DNER: variants seen among roughly 807,000 people sequenced by gnomAD.
DNER encodes delta/notch like EGF repeat containing, also known as delta and Notch-like epidermal growth factor-related receptor.
In DNER, 33 loss-of-function variants were observed where a neutral mutation model predicts 78.2. That is an observed-to-expected ratio of 0.42 (90% CI 0.32 to 0.56). DNER has a LOEUF of 0.56. Among genes scored for constraint, DNER ranks in the 20% least tolerant of loss-of-function variants. The pLI, the probability that DNER is intolerant of heterozygous loss-of-function variation, is 0.11. For synonymous variants in DNER, 417 were observed against 384.8 expected, an observed-to-expected ratio of 1.08 and a Z score of -0.98; for missense variants, 918 against 975.3, an observed-to-expected ratio of 0.94 and a Z score of 0.78.
intron 4 of DNER, among the ~76,000 whole-genome samples, chr2:229,564,251 A>T (rs1697049065): frequency 8.0e-6 from 1 of 124,546 alleles, no homozygotes; most frequent in South Asian, 2.8e-4. Context: ...ACATCATGAC[A>T]GCATCACCAT....
chr2:229,625,660 A>C (rs1436615397), intron 1 of DNER, among the ~76,000 whole-genome samples: 1 of 152,196 alleles, frequency 6.6e-6, no homozygotes, highest in Non-Finnish European at 1.5e-5. Context: ...TAGGAAACAT[A>C]ATTATGGAAG....
At chr2:229,425,680 G>A (rs1040968704) in intron 8 of DNER, among the ~76,000 whole-genome samples, 3 of 152,010 alleles carry the variant, frequency 2.0e-5, no homozygotes, top group African/African-American at 7.2e-5. Flanking sequence ...CCCTCTCCCC[G>A]CCCGTCCCTC....
At chr2:229,419,748 AC>A (rs1693725110) in intron 8 of DNER, among the ~76,000 whole-genome samples, 1 of 151,596 alleles carries the variant, frequency 6.6e-6, no homozygotes, top group African/African-American at 2.4e-5. Flanking sequence ...ATGTTACCCT[AC>A]TTTTTGTAAC....
chr2:229,630,573 G>A (rs1208424238), intron 1 of DNER, among the ~76,000 whole-genome samples: 1 of 151,484 alleles, frequency 6.6e-6, no homozygotes, highest in Non-Finnish European at 1.5e-5. Context: ...ATGGCACAGG[G>A]ATCGCAAGCT....
chr2:229,380,860 G>A (rs933539157), intron 11 of DNER, among the ~76,000 whole-genome samples: 2 of 152,044 alleles, frequency 1.3e-5, no homozygotes, highest in Admixed American at 1.3e-4. Context: ...AGGAGGCAGA[G>A]GTTGCAGTGA....
chr2:229,487,819 C>G lies in DNER; in HGVS notation c.1148-10566G>C, dbSNP rs549138281. Among the ~76,000 whole-genome samples the G allele has an allele frequency of 3.9e-5, 6 of 152,312 alleles. No homozygotes were observed. In the South Asian group the frequency reaches 1.2e-3, roughly 32 times the overall value. On this transcript the variant is annotated intron_variant, in intron 6 of 12. Coordinates refer to ENST00000341772, the MANE Select transcript of DNER (RefSeq NM_139072.4). ...GGAGGTAAGACACATTCCCATGAAACAGCATACTGAGTAAATGAGCAGGAG... is the reference window on the plus strand; with the variant it reads ...GGAGGTAAGACACATTCCCATGAAAGAGCATACTGAGTAAATGAGCAGGAG...
chr2:229,643,697 C>A (rs941224898), intron 1 of DNER, among the ~76,000 whole-genome samples: 7 of 152,132 alleles, frequency 4.6e-5, no homozygotes, highest in African/African-American at 1.7e-4. Flanking sequence ...TGGAAAGTGC[C>A]TAACAGCCCG....
chr2:229,518,998 GT>G (rs1696039403), intron 5 of DNER, among the ~76,000 whole-genome samples: 1 of 151,322 alleles, frequency 6.6e-6, no homozygotes, highest in East Asian at 1.9e-4. Flanking sequence ...TAAGCTCAGG[GT>G]CTAGTTGAAG....
intron 9 of DNER, among the ~76,000 whole-genome samples, chr2:229,415,857 C>G (rs887495926): frequency 3.3e-5 from 5 of 152,196 alleles, no homozygotes; most frequent in Non-Finnish European, 7.3e-5. Flanking sequence ...AGGGGCAGTA[C>G]AATGCCGATT....
chr2:229,564,784 A>T (rs1697070550), intron 4 of DNER, among the ~76,000 whole-genome samples: 1 of 152,184 alleles, frequency 6.6e-6, no homozygotes, highest in Admixed American at 6.6e-5. Flanking sequence ...TTTAAAATGG[A>T]GTCCTGGCTT....
intron 6 of DNER, among the ~76,000 whole-genome samples, chr2:229,479,661 C>T (rs1458776989): frequency 1.4e-5 from 2 of 147,684 alleles, no homozygotes; most frequent in Non-Finnish European, 3.0e-5. Flanking sequence ...TACAGCGAGC[C>T]GAGATTGCGC....
chr2:229,520,067 C>T lies in DNER; in HGVS notation c.994-7131G>A, dbSNP rs375764943. Reference sequence around the variant, plus strand: ...GACTTAGGAACTTCAGGCAATTCTTCGCCAGAATTGGAAGTCCTTGATGTC... The same window carrying T: ...GACTTAGGAACTTCAGGCAATTCTTTGCCAGAATTGGAAGTCCTTGATGTC... On this transcript the variant is annotated intron_variant, in intron 5 of 12. Transcript: ENST00000341772. Among the ~76,000 whole-genome samples, 49 of 152,280 alleles carry T rather than the reference C, an allele frequency of 3.2e-4. No individual in the cohort carries two copies. In the East Asian group the frequency reaches 6.6e-3, roughly 20 times the overall value.
chr2:229,706,460 G>A (rs1417135465), intron 1 of DNER, among the ~76,000 whole-genome samples: 9 of 152,002 alleles, frequency 5.9e-5, no homozygotes. Flanking sequence ...CTACTCAGGT[G>A]GCTGAGGCAC....
At chr2:229,652,989 C>T (rs965727776) in intron 1 of DNER, among the ~76,000 whole-genome samples, 5 of 152,226 alleles carry the variant, frequency 3.3e-5, no homozygotes, top group Middle Eastern at 3.4e-3. Flanking sequence ...TTCTTCTCCC[C>T]GGAATTTGCT....
chr2:229,562,133 C>G (rs1384553677), intron 4 of DNER, among the ~76,000 whole-genome samples: 1 of 152,110 alleles, frequency 6.6e-6, no homozygotes, highest in Admixed American at 6.6e-5. Flanking sequence ...TGAGGTCTCT[C>G]TATTGCAACA....
chr2:229,535,641 C>G (rs915805260), intron 5 of DNER, among the ~76,000 whole-genome samples: 2 of 151,980 alleles, frequency 1.3e-5, no homozygotes, highest in African/African-American at 4.8e-5. Context: ...GTTGTAAAGC[C>G]AGACTGATTT....
At chr2:229,490,815 A>C (rs934586025) in intron 6 of DNER, among the ~76,000 whole-genome samples, 2 of 152,188 alleles carry the variant, frequency 1.3e-5, no homozygotes, top group African/African-American at 4.8e-5. Flanking sequence ...ACCTCAGCAC[A>C]CCAGGAAGTG....
intron 9 of DNER, among the ~76,000 whole-genome samples, chr2:229,413,312 TTTC>T (rs138821363): frequency 0.46 from 48,866 of 107,000 alleles, 12,240 homozygotes; most frequent in East Asian, 0.67. Context: ...TCTTTTTCTT[TTTC>T]TTCTTCTTTT....
At chr2:229,431,401 T>A (rs930746426) in intron 8 of DNER, among the ~76,000 whole-genome samples, 5 of 152,162 alleles carry the variant, frequency 3.3e-5, no homozygotes, top group African/African-American at 1.2e-4. Context: ...TCTAGCCATG[T>A]TGATCTAAAC....
Sources: allele counts gnomAD v4.1 joint callset (sites outside exome capture counted in the v4.1 genomes callset), GRCh38; gene constraint gnomAD v4.1.1; transcripts MANE v1.5; gene names NCBI Gene and HGNC (gene_info 2026-07-23, HGNC 2026-07-21).